Variants in FAM13A observed in about 807,000 individuals in gnomAD.
FAM13A encodes family with sequence similarity 13 member A.
Under a neutral mutation model 129.6 loss-of-function variants are expected in FAM13A, and 76 were observed. The ratio of observed to expected loss-of-function variants is 0.59; its 90% CI spans 0.49 to 0.71. The LOEUF is 0.71. Ranked by LOEUF, FAM13A falls within the 30% of genes least tolerant of loss-of-function variation. The pLI is 0.00. For missense variants in FAM13A, 1,108 were observed against 1,249.3 expected (o/e 0.89, Z 1.70); for synonymous variants, 443 against 449.9 (o/e 0.98, Z 0.20).
At chr4:88,851,808 G>A (rs983166066) in intron 6 of FAM13A, among the ~76,000 whole-genome samples, 3 of 152,034 alleles carry the variant, frequency 2.0e-5, no homozygotes, top group African/African-American at 7.2e-5. Context: ...AATGAATCCC[G>A]GGGGTACTGA....
At chr4:88,832,356 G>A (rs967726346) in intron 7 of FAM13A, among the ~76,000 whole-genome samples, 9 of 152,084 alleles carry the variant, frequency 5.9e-5, no homozygotes, top group Non-Finnish European at 1.2e-4. Flanking sequence ...AACACCAAAA[G>A]CAATTGCAAC....
intron 1 of FAM13A, among the ~76,000 whole-genome samples, chr4:89,054,609 T>C (rs1324683051): frequency 6.6e-6 from 1 of 152,180 alleles, no homozygotes; most frequent in East Asian, 1.9e-4. Flanking sequence ...CTCTCTGGAA[T>C]TTCCTTATCT....
intron 2 of FAM13A, 93 bp downstream of exon 2, chr4:89,029,367 A>T: frequency 4.0e-6 from 4 of 1,006,534 alleles, no homozygotes; most frequent in South Asian, 2.9e-5. Context: ...TTTAGAGGAT[A>T]GCCTAATCAT....
chr4:89,023,618 T>C (rs17768150), intron 2 of FAM13A, among the ~76,000 whole-genome samples: 9,998 of 152,244 alleles, frequency 0.066, 450 homozygotes, highest in South Asian at 0.14. Context: ...AAGGTACAAA[T>C]AGAAGTGACT....
intron 14 of FAM13A, among the ~76,000 whole-genome samples, chr4:88,754,154 G>T (rs1469724982): frequency 6.6e-6 from 1 of 152,186 alleles, no homozygotes; most frequent in African/African-American, 2.4e-5. Flanking sequence ...TTGTCACAGT[G>T]AACTCTGGAC....
intron 5 of FAM13A, among the ~76,000 whole-genome samples, chr4:88,913,330 A>G (rs866676761): frequency 7.0e-4 from 99 of 141,702 alleles, no homozygotes; most frequent in African/African-American, 2.5e-3. Flanking sequence ...AGGAGGAGGA[A>G]GAAGAAGAAG....
At chr4:88,924,521 AC>A (rs1360887077) in intron 5 of FAM13A, among the ~76,000 whole-genome samples, 5 of 152,182 alleles carry the variant, frequency 3.3e-5, no homozygotes, top group Non-Finnish European at 7.3e-5. Context: ...CTGAAACTGG[AC>A]CCCTTCTTTA....
At chr4:88,958,678 A>T (rs1758145027) in intron 4 of FAM13A, among the ~76,000 whole-genome samples, 1 of 152,192 alleles carries the variant, frequency 6.6e-6, no homozygotes, top group African/African-American at 2.4e-5. Flanking sequence ...TTCTACTAGG[A>T]CAGTGTGGAG....
At chr4:88,794,677 T>A (rs1017425253) in intron 8 of FAM13A, among the ~76,000 whole-genome samples, 2 of 151,878 alleles carry the variant, frequency 1.3e-5, no homozygotes, top group Non-Finnish European at 3.0e-5. Flanking sequence ...TTAGGAAACA[T>A]GAGGTCTAAC....
intron 8 of FAM13A, among the ~76,000 whole-genome samples, chr4:88,800,167 T>C (rs867574816): frequency 7.9e-5 from 12 of 152,066 alleles, no homozygotes; most frequent in Middle Eastern, 3.2e-3. Flanking sequence ...AATGAGAAAT[T>C]AGTGTTTAGT....
chr4:88,938,235 T>G lies in FAM13A; in HGVS notation c.612A>C (p.Pro204=). ...TVFGPNCFHV[P]PGLEGMKEQD... is the part of the protein sequence containing the mutation. ...GTTCCTTCATGCCTTCAAGCCCAGG[T>G]GGCACACTAGAAACAAGAAAGGGAA... is the stretch of plus-strand genomic sequence containing the variant. The change falls in exon 5 of 24, where the codon CCA becomes CCC. Residue 204 remains proline (P), a synonymous_variant. Coordinates refer to ENST00000264344, the MANE Select transcript of FAM13A (RefSeq NM_014883.4). 1.2e-6 allele frequency: 2 copies of G among 1,603,116 alleles called. No individual in the cohort carries two copies. The highest frequency in any genetic ancestry group is 1.7e-6 in the Non-Finnish European group (2 of 1,176,514).
At chr4:88,842,478 T>A (rs927476293) in intron 7 of FAM13A, among the ~76,000 whole-genome samples, 1 of 152,256 alleles carries the variant, frequency 6.6e-6, no homozygotes, top group Non-Finnish European at 1.5e-5. Context: ...TCACTTCTAT[T>A]GTGCTGCTTT....
At chr4:88,805,530 ACG>A (rs1372064440) in intron 7 of FAM13A, among the ~76,000 whole-genome samples, 1 of 152,158 alleles carries the variant, frequency 6.6e-6, no homozygotes, top group Non-Finnish European at 1.5e-5. Flanking sequence ...CACCATACTC[ACG>A]GGCTCTTTGT....
At chr4:88,962,613 G>C (rs541097732) in intron 4 of FAM13A, among the ~76,000 whole-genome samples, 2 of 152,266 alleles carry the variant, frequency 1.3e-5, no homozygotes, top group South Asian at 2.1e-4. Flanking sequence ...TGGGCGGGGA[G>C]AGCGAGAGAG....
chr4:88,798,183 C>T (rs190015181), intron 8 of FAM13A, among the ~76,000 whole-genome samples: 4 of 152,266 alleles, frequency 2.6e-5, no homozygotes, highest in Admixed American at 2.0e-4. Flanking sequence ...GGTGGACTTG[C>T]TTTTTGGTCC....
intron 6 of FAM13A, among the ~76,000 whole-genome samples, chr4:88,891,040 C>T (rs1202481504): frequency 2.6e-5 from 4 of 151,670 alleles, no homozygotes; most frequent in Admixed American, 6.6e-5. Context: ...CCAATAAACA[C>T]TACCAGACCC....
intron 4 of FAM13A, among the ~76,000 whole-genome samples, chr4:88,985,229 C>T (rs1472420471): frequency 6.6e-6 from 1 of 152,076 alleles, no homozygotes; most frequent in African/African-American, 2.4e-5. Flanking sequence ...ATGAAATGTC[C>T]AGAATAGGCA....
chr4:88,965,441 C>T (rs934042577), intron 4 of FAM13A, among the ~76,000 whole-genome samples: 2 of 152,078 alleles, frequency 1.3e-5, no homozygotes, highest in African/African-American at 4.8e-5. Context: ...AGTATCAATC[C>T]ACTTAAAATC....
At chr4:88,970,332 G>A (rs570463894) in intron 4 of FAM13A, among the ~76,000 whole-genome samples, 1 of 152,090 alleles carries the variant, frequency 6.6e-6, no homozygotes, top group South Asian at 2.1e-4. Context: ...AAATAGTAGA[G>A]GAGATGAGGC....
Sources: gnomAD v4.1 joint callset for allele counts (sites outside exome capture counted in the v4.1 genomes callset) on GRCh38, gnomAD v4.1.1 for gene constraint, MANE v1.5 for transcripts, NCBI Gene and HGNC (gene_info 2026-07-23, HGNC 2026-07-21) for gene names.